The following CDH2 variants were observed in gnomAD, a reference collection of about 807,000 sequenced individuals.
CDH2 encodes the protein cadherin 2, also known as cadherin-2.
In CDH2, 17 loss-of-function variants were observed where a neutral mutation model predicts 92.0. The observed-to-expected ratio is 0.18, with a 90% confidence interval of 0.13 to 0.28. CDH2 has a LOEUF of 0.28. Ranked by LOEUF, CDH2 falls within the 10% of genes least tolerant of loss-of-function variation. The pLI is 1.00. For synonymous variants in CDH2, 419 were observed against 415.9 expected (o/e 1.01, Z -0.09); for missense variants, 862 against 1,133.1 (o/e 0.76, Z 3.44).
intron 2 of CDH2, among the ~76,000 whole-genome samples, chr18:28,094,475 T>TA (rs1469558100): frequency 2.1e-5 from 3 of 144,082 alleles, no homozygotes; most frequent in East Asian, 4.2e-4. Context: ...GAGACAGAGT[T>TA]AGACTCTGTC....
Position 27,951,880 on chromosome 18 carries a change from A to AAGG in CDH2, c.*272_*273insCCT. On this transcript the variant is annotated 3_prime_UTR_variant, in exon 16 of 16. Transcript: ENST00000269141. ...GTACCATTAAAGCCTTAAACAGAAA[A>AAGG]CTAATTCCAATCTGAAAAAGGTACA... 2.4e-6 allele frequency: 1 copy of AAGG among 419,794 alleles called. No homozygotes were observed. Among genetic ancestry groups the AAGG allele is most frequent in the Non-Finnish European group, 4.4e-6 (1 of 228,206 alleles). The allele number at this position is 419,794 out of a possible 1,614,324, so 26.0% of individuals were successfully genotyped here. A position where few individuals can be genotyped will look rare whatever the true frequency, so the allele number is the denominator to read the frequency against.
chr18:28,149,007 G>T (rs574827153), intron 1 of CDH2, among the ~76,000 whole-genome samples: 1 of 152,080 alleles, frequency 6.6e-6, no homozygotes, highest in African/African-American at 2.4e-5. Flanking sequence ...ACTAGTTCAG[G>T]CCCATCGAAT....
At position 28,002,930 on chromosome 18, in the gene CDH2, A is replaced by G. The variant is rs147582717; in HGVS notation, c.1020+67T>C. On this transcript the variant is annotated intron_variant, in intron 7 of 15. Transcript: ENST00000269141. Reference sequence around the variant, plus strand: ...ATATTGTGATGTGGAGATAAAATGTATGTGATATGATATTGTGCACCTTTA... The same window carrying G: ...ATATTGTGATGTGGAGATAAAATGTGTGTGATATGATATTGTGCACCTTTA... The G allele has an allele frequency of 3.6e-3, 4,685 of 1,315,488 alleles. 16 individuals are homozygous for G. The highest frequency in any genetic ancestry group is 4.5e-3 in the Non-Finnish European group (4,159 of 915,938). The allele number at this position is 1,315,488 out of a possible 1,614,324, so 81.5% of individuals were successfully genotyped here. A position where few individuals can be genotyped will look rare whatever the true frequency, so the allele number is the denominator to read the frequency against.
intron 14 of CDH2, among the ~76,000 whole-genome samples, chr18:27,979,163 T>C (rs2011954052): frequency 6.6e-6 from 1 of 152,130 alleles, no homozygotes; most frequent in Non-Finnish European, 1.5e-5. Flanking sequence ...TACAAGTCAG[T>C]AAGAAAAAGA....
chr18:28,143,074 T>C (rs932374149), intron 2 of CDH2, among the ~76,000 whole-genome samples: 37 of 152,074 alleles, frequency 2.4e-4, no homozygotes, highest in Non-Finnish European at 7.4e-5. Flanking sequence ...AAATTCCATC[T>C]AGTTGAAAAT....
At chr18:28,037,591 T>C (rs2144098967) in intron 2 of CDH2, among the ~76,000 whole-genome samples, 1 of 151,960 alleles carries the variant, frequency 6.6e-6, no homozygotes, top group South Asian at 2.1e-4. Flanking sequence ...GTTGCAGAAA[T>C]AACCCAGAGC....
chr18:28,021,769 C>T (rs777666435), intron 2 of CDH2, among the ~76,000 whole-genome samples: 1 of 151,944 alleles, frequency 6.6e-6, no homozygotes, highest in Non-Finnish European at 1.5e-5. Context: ...TGTGGAAATA[C>T]TCACATATGG....
At chr18:28,176,212 G>A (rs534646334) in intron 1 of CDH2, among the ~76,000 whole-genome samples, 2 of 152,310 alleles carry the variant, frequency 1.3e-5, no homozygotes, top group South Asian at 2.1e-4. Flanking sequence ...GCGCATATAG[G>A]GCACAGGCAG....
chr18:28,130,429 C>A (rs1479367222), intron 2 of CDH2, among the ~76,000 whole-genome samples: 1 of 152,200 alleles, frequency 6.6e-6, no homozygotes, highest in African/African-American at 2.4e-5. Flanking sequence ...AGTCTCACAT[C>A]TTGTGAAATA....
At chr18:28,003,250 AT>A in intron 6 of CDH2, 81 bp from the exon 7 acceptor site, 1 of 1,041,118 alleles carries the variant, frequency 9.6e-7, no homozygotes, top group Non-Finnish European at 1.4e-6. Flanking sequence ...TATTGTTTTG[AT>A]ATGTCTTATT....
chr18:27,981,664 T>C (rs1016565163), intron 14 of CDH2, among the ~76,000 whole-genome samples: 8 of 152,190 alleles, frequency 5.3e-5, no homozygotes, highest in Non-Finnish European at 1.0e-4. Flanking sequence ...TGGATGTAAA[T>C]GTGCTTTGTA....
intron 14 of CDH2, among the ~76,000 whole-genome samples, chr18:27,978,150 T>A (rs547272124): frequency 6.6e-6 from 1 of 152,328 alleles, no homozygotes; most frequent in South Asian, 2.1e-4. Context: ...AACATCTATT[T>A]AGAAAGTGGA....
At chr18:28,166,148 T>TAATATATATATATA (rs1568024338) in intron 1 of CDH2, among the ~76,000 whole-genome samples, 5 of 19,774 alleles carry the variant, frequency 2.5e-4, no homozygotes, top group Non-Finnish European at 5.0e-4. Flanking sequence ...TCAGACACAC[T>TAATATATATATATA]CATATATATA....
intron 7 of CDH2, among the ~76,000 whole-genome samples, chr18:27,993,864 G>A (rs775669739): frequency 2.6e-5 from 4 of 152,148 alleles, no homozygotes; most frequent in African/African-American, 4.8e-5. Context: ...TGGCAGAAAG[G>A]AATGCACTGC....
chr18:27,955,924 C>A (rs1437386687), intron 15 of CDH2, among the ~76,000 whole-genome samples: 2 of 152,076 alleles, frequency 1.3e-5, no homozygotes, highest in Non-Finnish European at 2.9e-5. Flanking sequence ...GCTTTCTATG[C>A]AGGTTAAGTA....
intron 2 of CDH2, among the ~76,000 whole-genome samples, chr18:28,115,088 G>A (rs1318031235): frequency 6.6e-6 from 1 of 152,120 alleles, no homozygotes; most frequent in Non-Finnish European, 1.5e-5. Context: ...GAAATTCAGT[G>A]GGCTGAGAAC....
chr18:28,013,086 A>G (rs1295732870), intron 3 of CDH2, among the ~76,000 whole-genome samples: 1 of 152,222 alleles, frequency 6.6e-6, no homozygotes, highest in Non-Finnish European at 1.5e-5. Context: ...ACAATGACTT[A>G]TACAAATTAA....
At chr18:28,160,161 T>TAA (rs143094405) in intron 1 of CDH2, among the ~76,000 whole-genome samples, 1 of 141,654 alleles carries the variant, frequency 7.1e-6, no homozygotes. Flanking sequence ...GAGAAAAAAA[T>TAA]AAAAAAAAAA....
chr18:28,108,164 T>C (rs1171360000), intron 2 of CDH2, among the ~76,000 whole-genome samples: 2 of 152,142 alleles, frequency 1.3e-5, no homozygotes, highest in Non-Finnish European at 2.9e-5. Flanking sequence ...CATTAACAGA[T>C]AGGTGTTGAG....
Sources: gnomAD v4.1 joint callset for allele counts (sites outside exome capture counted in the v4.1 genomes callset) on GRCh38, gnomAD v4.1.1 for gene constraint, MANE v1.5 for transcripts, NCBI Gene and HGNC (gene_info 2026-07-23, HGNC 2026-07-21) for gene names.